The following DNAH3 variants were observed in gnomAD, a reference collection of about 807,000 sequenced individuals.
The protein encoded by DNAH3 is dynein axonemal heavy chain 3.
In DNAH3, 332 loss-of-function variants were observed where a neutral mutation model predicts 432.5. That is an observed-to-expected ratio of 0.77 (90% confidence interval 0.70 to 0.84). DNAH3 has a LOEUF of 0.84. Among genes scored for constraint, DNAH3 ranks in the 40% least tolerant of loss-of-function variants. The pLI is 0.00. For synonymous variants in DNAH3, 1,956 were observed against 1,900.2 expected (o/e 1.03, Z -0.76); for missense variants, 4,861 against 5,114.0 (o/e 0.95, Z 1.51).
intron 1 of DNAH3, among the ~76,000 whole-genome samples, chr16:21,149,039 T>C (rs2092821170): frequency 1.3e-5 from 2 of 151,188 alleles, no homozygotes; most frequent in Non-Finnish European, 2.9e-5. Context: ...GAGACCAGCC[T>C]GGCCAACATG....
In DNAH3 at chr16:21,114,017, T is replaced by G. The variant is rs536930499; in HGVS notation, c.1815-1919A>C. ...ACATATATGTATTTATGATAAAGTT[T>G]AATTTATAAATTAGGCACAGCAAAA... is the stretch of plus-strand genomic sequence containing the variant. On this transcript the variant is annotated intron_variant, in intron 12 of 61. Transcript: ENST00000261383. Among the ~76,000 whole-genome samples the G allele has an allele frequency of 6.3e-4, 96 of 152,336 alleles. 1 individual carries two copies. Among genetic ancestry groups the G allele is most frequent in the Admixed American group, 6.3e-3 (96 of 15,294 alleles).
At chr16:21,095,383 T>C (rs561683070) in intron 18 of DNAH3, among the ~76,000 whole-genome samples, 7 of 152,358 alleles carry the variant, frequency 4.6e-5, no homozygotes, top group African/African-American at 1.7e-4. Context: ...GACCTATTGC[T>C]ACATCCAACA....
At chr16:21,076,920 AC>A (rs1260799883) in intron 20 of DNAH3, among the ~76,000 whole-genome samples, 1 of 152,138 alleles carries the variant, frequency 6.6e-6, no homozygotes, top group Non-Finnish European at 1.5e-5. Flanking sequence ...GGGGAGCTGT[AC>A]CGTACCTTCT....
intron 48 of DNAH3, among the ~76,000 whole-genome samples, chr16:20,984,362 A>G (rs2086081515): frequency 1.3e-5 from 2 of 152,140 alleles, no homozygotes; most frequent in Admixed American, 6.6e-5. Context: ...CAGCTTAGCC[A>G]ATGTGAAGGT....
intron 51 of DNAH3, among the ~76,000 whole-genome samples, chr16:20,972,030 A>G (rs889478616): frequency 6.6e-6 from 1 of 152,206 alleles, no homozygotes; most frequent in African/African-American, 2.4e-5. Context: ...TTGCCAATTC[A>G]TGCGCCTCAG....
chr16:20,957,499 C>T (rs907962745), intron 54 of DNAH3, among the ~76,000 whole-genome samples: 1 of 152,042 alleles, frequency 6.6e-6, no homozygotes, highest in African/African-American at 2.4e-5. Context: ...CCATAGGTTG[C>T]TGCTCTCTGC....
At chr16:21,053,994 CCT>C (rs1198600569) in intron 28 of DNAH3, among the ~76,000 whole-genome samples, 1 of 152,108 alleles carries the variant, frequency 6.6e-6, no homozygotes, top group Non-Finnish European at 1.5e-5. Context: ...TAGCTGTATG[CCT>C]CTCAGCAAGT....
chr16:21,077,668 T>C (rs2091023447), intron 20 of DNAH3, among the ~76,000 whole-genome samples: 1 of 152,114 alleles, frequency 6.6e-6, no homozygotes, highest in African/African-American at 2.4e-5. Context: ...TGTTTCCACA[T>C]GGAGATCTGG....
intron 38 of DNAH3, 55 bp from the exon 39 acceptor site, chr16:21,024,756 T>C: frequency 7.5e-7 from 1 of 1,341,216 alleles, no homozygotes; most frequent in Non-Finnish European, 1.1e-6. Flanking sequence ...CTAATACGGG[T>C]TAACATTTAT....
chr16:21,134,241 A>G lies in DNAH3; in HGVS notation c.1082+18T>C, dbSNP rs767936576. The G allele has an allele frequency of 3.8e-6, 6 of 1,599,454 alleles. No homozygotes were observed. Among genetic ancestry groups the G allele is most frequent in the Non-Finnish European group, 4.3e-6 (5 of 1,173,026 alleles). ...TGGTCAAGAAAGGGAATGAAAAAAA[A>G]AGGGAGGGACTTCTTACTCTGCAAA... On this transcript the variant is annotated intron_variant, in intron 7 of 61. Coordinates refer to ENST00000261383, the Ensembl canonical transcript of DNAH3.
chr16:21,103,757 A>G (rs1360399727), intron 16 of DNAH3: 1 of 152,102 alleles, frequency 6.6e-6, no homozygotes, highest in Admixed American at 6.6e-5. Flanking sequence ...TTCTTATGTG[A>G]AGGGGACAGG....
At chr16:20,963,870 C>T (rs771108997) in exon 53 of DNAH3, 3 of 1,614,092 alleles carry the variant, frequency 1.9e-6, no homozygotes, top group South Asian at 1.1e-5. Flanking sequence ...GTTCCTCGCT[C>T]TTCGTGCTGT....
At chr16:21,004,231 G>A (rs926387970) in intron 41 of DNAH3, among the ~76,000 whole-genome samples, 44 of 152,266 alleles carry the variant, frequency 2.9e-4, no homozygotes, top group Non-Finnish European at 2.1e-4. Flanking sequence ...AAAGTAAGGA[G>A]AATAGTATAA....
Position 21,144,673 on chromosome 16 carries a change from C to T in DNAH3, c.448+508G>A, listed in dbSNP as rs1319601665. 5.7e-4 allele frequency among the ~76,000 whole-genome samples: 87 copies of T among 152,178 alleles called. 2 individuals are homozygous for T. The highest frequency in any genetic ancestry group is 2.4e-5 in the African/African-American group (1 of 41,434). ...TATCATGCAAACAATAACACAAGTA[C>T]ATAGAACAGTGCCTGGTATATGTAA... On this transcript the variant is annotated intron_variant, in intron 3 of 61. Transcript: ENST00000261383.
At chr16:21,114,539 T>C (rs1266452348) in intron 12 of DNAH3, among the ~76,000 whole-genome samples, 1 of 152,156 alleles carries the variant, frequency 6.6e-6, no homozygotes, top group African/African-American at 2.4e-5. Context: ...TCCGTGGAAC[T>C]GTCAATCCAG....
exon 44 of DNAH3, chr16:20,997,454 T>G: frequency 1.2e-6 from 2 of 1,614,000 alleles, no homozygotes; most frequent in Non-Finnish European, 1.7e-6. Flanking sequence ...GCTGGCATGT[T>G]GAGGTCATCT....
At chr16:21,009,251 A>G (rs970850379) in intron 41 of DNAH3, among the ~76,000 whole-genome samples, 20 of 152,250 alleles carry the variant, frequency 1.3e-4, no homozygotes, top group Non-Finnish European at 2.2e-4. Flanking sequence ...GATAGTTGCA[A>G]AAGCTAAGTA....
intron 41 of DNAH3, among the ~76,000 whole-genome samples, chr16:21,016,856 A>G (rs2087882072): frequency 6.6e-6 from 1 of 152,236 alleles, no homozygotes; most frequent in Non-Finnish European, 1.5e-5. Context: ...GTGCTACAAC[A>G]TGGATGAACG....
At chr16:20,956,210 T>G (rs2084558471) in intron 54 of DNAH3, among the ~76,000 whole-genome samples, 1 of 152,204 alleles carries the variant, frequency 6.6e-6, no homozygotes, top group Non-Finnish European at 1.5e-5. Context: ...TTTACAGGTG[T>G]GAGCCACTGC....
Sources: gnomAD v4.1 joint callset for allele counts (sites outside exome capture counted in the v4.1 genomes callset) on GRCh38, gnomAD v4.1.1 for gene constraint, MANE v1.5 for transcripts, NCBI Gene and HGNC (gene_info 2026-07-23, HGNC 2026-07-21) for gene names.